Variants in RBM25 observed in about 807,000 individuals in gnomAD.
RBM25 encodes the protein RNA-binding protein 25.
Under a neutral mutation model 120.7 loss-of-function variants are expected in RBM25, and 19 were observed. That is an observed-to-expected ratio of 0.16 (90% CI 0.11 to 0.23). The LOEUF (loss-of-function observed/expected upper bound fraction) is 0.23, where lower values mean the gene tolerates loss of function less well. Ranked by LOEUF, RBM25 falls within the 10% of genes least tolerant of loss-of-function variation. RBM25 has a pLI of 1.00. For synonymous variants in RBM25, 390 were observed against 326.7 expected, an observed-to-expected ratio of 1.19 and a Z score of -2.09; for missense variants, 605 against 1,041.5, an observed-to-expected ratio of 0.58 and a Z score of 5.77.
intron 18 of RBM25, among the ~76,000 whole-genome samples, chr14:73,119,240 T>A (rs1014353092): frequency 1.3e-5 from 2 of 152,176 alleles, no homozygotes; most frequent in Non-Finnish European, 2.9e-5. Flanking sequence ...ATCTCATGTA[T>A]CCCCTCAAAA....
At chr14:73,114,557 T>C (rs17781782) in intron 18 of RBM25, among the ~76,000 whole-genome samples, 9,290 of 152,178 alleles carry the variant, frequency 0.061, 371 homozygotes, top group Admixed American at 0.094. Context: ...AATTAACATC[T>C]ATATAAACTC....
At chr14:73,070,121 A>G (rs1259669794) in intron 1 of RBM25, among the ~76,000 whole-genome samples, 1 of 149,862 alleles carries the variant, frequency 6.7e-6, no homozygotes, top group Non-Finnish European at 1.5e-5. Flanking sequence ...TTCCCCTGTC[A>G]CCCACGCTGG....
At chr14:73,111,238 A>G (rs1235459163) in intron 15 of RBM25, 83 bp downstream of exon 15, 13 of 1,190,796 alleles carry the variant, frequency 1.1e-5, no homozygotes, top group African/African-American at 1.5e-5. Context: ...AAAAAAATTT[A>G]TATTTGTGCT....
At position 73,103,434 on chromosome 14, in the gene RBM25, T is replaced by C. The variant is rs575749853; in HGVS notation, c.1110T>C (p.Asp370=). The change falls in exon 10 of 19, where the codon GAT becomes GAC. Residue 370 remains aspartate (D), a synonymous_variant. Coordinates refer to ENST00000261973, the MANE Select transcript of RBM25 (RefSeq NM_021239.3). ...ATCGAGAGAGAGATCGTGACCGGGA[T>C]AGAGAAAGGAGCTCAGATCGTAATA... The part of the protein sequence containing the change: ...DRDRERDRDR[D]RERSSDRNKD... The C allele has an allele frequency of 1.2e-6, 2 of 1,611,406 alleles. No homozygotes were observed. The highest frequency in any genetic ancestry group is 3.4e-5 in the Admixed American group (2 of 59,316).
intron 6 of RBM25, among the ~76,000 whole-genome samples, chr14:73,092,676 ACTCGTCATTT>A (rs1416805300): frequency 3.3e-5 from 5 of 151,318 alleles, no homozygotes; most frequent in Admixed American, 3.3e-4. Context: ...GCACCCATTA[ACTCGTCATTT>A]AACATTAGGT....
chr14:73,099,916 A>G (rs1261356153), intron 9 of RBM25, 166 bp downstream of exon 9: 1 of 1,101,238 alleles, frequency 9.1e-7, no homozygotes, highest in Non-Finnish European at 1.2e-6. Flanking sequence ...ATACCATATT[A>G]AAGTGGTCCT....
intron 6 of RBM25, among the ~76,000 whole-genome samples, chr14:73,092,207 TG>T (rs1399996442): frequency 1.6e-5 from 2 of 121,790 alleles, no homozygotes; most frequent in Admixed American, 2.1e-4. Context: ...TTAAGGGTGG[TG>T]GGGGGTGTAG....
chr14:73,099,360 C>A lies in RBM25; in HGVS notation c.730-20C>A. On this transcript the variant is annotated intron_variant, in intron 7 of 18. Coordinates refer to ENST00000261973, the MANE Select transcript of RBM25 (RefSeq NM_021239.3). ...CTGTTTTTCTTTTTTAAAAAAGATT[C>A]TTGGTGGATTTTTTCACAGATTTTC... is the stretch of plus-strand genomic sequence containing the variant. The A allele has an allele frequency of 6.3e-7, 1 of 1,593,592 alleles. No individual in the cohort carries two copies.
intron 4 of RBM25, among the ~76,000 whole-genome samples, chr14:73,079,045 T>C (rs1294939063): frequency 6.6e-6 from 1 of 152,194 alleles, no homozygotes; most frequent in East Asian, 1.9e-4. Context: ...TTGGTAAGCT[T>C]GTTGATTCAC....
At chr14:73,118,178 T>G (rs1013475220) in intron 18 of RBM25, among the ~76,000 whole-genome samples, 2 of 152,184 alleles carry the variant, frequency 1.3e-5, no homozygotes, top group Non-Finnish European at 2.9e-5. Flanking sequence ...AAATGCTAGT[T>G]AAGATGGTAC....
chr14:73,072,049 T>G (rs1024017248), intron 2 of RBM25, among the ~76,000 whole-genome samples: 3 of 152,140 alleles, frequency 2.0e-5, no homozygotes, highest in African/African-American at 7.2e-5. Flanking sequence ...CTCCGCTCAC[T>G]GCAACCTCCA....
Position 73,076,661 on chromosome 14 carries a change from T to C in RBM25, c.156+293T>C, listed in dbSNP as rs141636361. ...ACAAATTTAGGACTTTGGCTCTTCATTGCCTTCTCATCTTGGTCCTGGGAG... is the reference window on the plus strand; with the variant it reads ...ACAAATTTAGGACTTTGGCTCTTCACTGCCTTCTCATCTTGGTCCTGGGAG... On this transcript the variant is annotated intron_variant, in intron 3 of 18. Coordinates refer to ENST00000261973, the MANE Select transcript of RBM25 (RefSeq NM_021239.3). Among the ~76,000 whole-genome samples, 299 of 152,332 alleles carry C rather than the reference T, an allele frequency of 2.0e-3. 1 individual carries two copies. Among genetic ancestry groups the C allele is most frequent in the Middle Eastern group, 3.4e-3 (1 of 294 alleles).
At chr14:73,058,931 G>T (rs1180833441) in intron 1 of RBM25, 1 of 152,254 alleles carries the variant, frequency 6.6e-6, no homozygotes, top group Non-Finnish European at 1.5e-5. Context: ...CCAGACCTAC[G>T]GCTTGAGCTT....
chr14:73,102,521 T>C (rs1053164394), intron 9 of RBM25: 1 of 152,276 alleles, frequency 6.6e-6, no homozygotes, highest in Non-Finnish European at 1.5e-5. Context: ...ATGTTGCTTT[T>C]AAATATTTTA....
In RBM25 at chr14:73,122,857, T is replaced by C. The variant is rs928641610; in HGVS notation, c.*3052T>C. 2 of 152,210 alleles carry C rather than the reference T, an allele frequency of 1.3e-5. No individual in the cohort carries two copies. The highest frequency in any genetic ancestry group is 2.9e-5 in the Non-Finnish European group (2 of 68,038). The allele number at this position is 152,210 out of a possible 1,614,324, so 9.4% of individuals were successfully genotyped here. A position where few individuals can be genotyped will look rare whatever the true frequency, so the allele number is the denominator to read the frequency against. ...TTGCCAACTGATCCAAGACTACATTTTGATTAGCACTTTAAGGTGTCTATT... is the reference window on the plus strand; with the variant it reads ...TTGCCAACTGATCCAAGACTACATTCTGATTAGCACTTTAAGGTGTCTATT... On this transcript the variant is annotated 3_prime_UTR_variant, in exon 19 of 19. Coordinates refer to ENST00000261973, the MANE Select transcript of RBM25 (RefSeq NM_021239.3).
chr14:73,068,420 A>T, intron 1 of RBM25: 1 of 653,478 alleles, frequency 1.5e-6, no homozygotes, highest in Admixed American at 2.2e-5. Context: ...CATTTACAGG[A>T]TCTGAGACTT....
At chr14:73,099,804 A>G in intron 9 of RBM25, 54 bp downstream of exon 9, 3 of 1,530,066 alleles carry the variant, frequency 2.0e-6, no homozygotes, top group Non-Finnish European at 2.6e-6. Context: ...ACAGAATCCA[A>G]AGCAAAGAGA....
At chr14:73,060,220 A>T (rs541117186) in intron 1 of RBM25, among the ~76,000 whole-genome samples, 1 of 151,152 alleles carries the variant, frequency 6.6e-6, no homozygotes, top group Non-Finnish European at 1.5e-5. Context: ...TGTAGTTTTA[A>T]TAGAGGCGAG....
At chr14:73,114,118 T>G (rs988274719) in intron 17 of RBM25, among the ~76,000 whole-genome samples, 168 bp from the exon 18 acceptor site, 23 of 151,580 alleles carry the variant, frequency 1.5e-4, no homozygotes, top group Admixed American at 1.3e-3. Flanking sequence ...CAGGTTTTGG[T>G]GCCTCTTTCG....
Sources: gnomAD v4.1 joint callset for allele counts (sites outside exome capture counted in the v4.1 genomes callset) on GRCh38, gnomAD v4.1.1 for gene constraint, MANE v1.5 for transcripts, NCBI Gene and HGNC (gene_info 2026-07-23, HGNC 2026-07-21) for gene names.